Variants in GABRG3 observed in about 807,000 individuals in gnomAD.
GABRG3 encodes the protein gamma-aminobutyric acid type A receptor subunit gamma3.
GABRG3 carries 25 observed loss-of-function variants against 48.8 expected under a neutral mutation model. The ratio of observed to expected loss-of-function variants is 0.51; its 90% CI spans 0.37 to 0.72. The LOEUF (loss-of-function observed/expected upper bound fraction) is 0.72, where lower values mean the gene tolerates loss of function less well. GABRG3 is among the 30% of genes least tolerant of loss of function. The pLI, the probability that GABRG3 is intolerant of heterozygous loss-of-function variation, is 0.00. For synonymous variants in GABRG3, 227 were observed against 217.6 expected, an observed-to-expected ratio of 1.04 and a Z score of -0.38; for missense variants, 394 against 577.9, an observed-to-expected ratio of 0.68 and a Z score of 3.26.
chr15:27,399,817 C>T (rs2140585622), intron 5 of GABRG3, among the ~76,000 whole-genome samples: 1 of 152,276 alleles, frequency 6.6e-6, no homozygotes, highest in South Asian at 2.1e-4. Context: ...CCCAGATCTT[C>T]ACACAAAGAC....
intron 5 of GABRG3, among the ~76,000 whole-genome samples, chr15:27,478,630 C>A (rs1351585439): frequency 6.6e-6 from 1 of 152,166 alleles, no homozygotes; most frequent in Non-Finnish European, 1.5e-5. Context: ...CCAGACTCAA[C>A]AATTCTACTC....
At chr15:27,003,627 T>C (rs893066972) in intron 2 of GABRG3, among the ~76,000 whole-genome samples, 23 of 152,230 alleles carry the variant, frequency 1.5e-4, no homozygotes, top group Admixed American at 2.0e-4. Context: ...TACTTCTTTC[T>C]ACACAGACAT....
chr15:27,374,190 G>C (rs1357495567), intron 5 of GABRG3, among the ~76,000 whole-genome samples: 7 of 134,458 alleles, frequency 5.2e-5, no homozygotes, highest in Non-Finnish European at 1.1e-4. Context: ...GGTGTGCAGT[G>C]GCAAGAACAT....
At chr15:27,025,024 CAA>C (rs34897569) in intron 2 of GABRG3, among the ~76,000 whole-genome samples, 11 of 91,616 alleles carry the variant, frequency 1.2e-4, no homozygotes, top group South Asian at 9.1e-4. Flanking sequence ...GACCCTGTCT[CAA>C]AAAAAAAAAA....
At position 27,236,678 on chromosome 15, in the gene GABRG3, C is replaced by T. The variant is rs1680028869; in HGVS notation, c.271-90131C>T. Among the ~76,000 whole-genome samples the T allele has an allele frequency of 6.6e-6, 1 of 152,200 alleles. No homozygotes were observed. Among genetic ancestry groups the T allele is most frequent in the African/African-American group, 2.4e-5 (1 of 41,454 alleles). On this transcript the variant is annotated intron_variant, in intron 3 of 9. Coordinates refer to ENST00000615808, the MANE Select transcript of GABRG3 (RefSeq NM_033223.5). The surrounding 1 kb of genome is among the most constrained non-coding windows in gnomAD (Gnocchi z 4.4). ...ACCACCAGCCACAGAGTGGCTCTGA[C>T]CAGCCTAGGGAGGATGCACAGTGAG...
intron 6 of GABRG3, among the ~76,000 whole-genome samples, chr15:27,488,130 C>T (rs748316684): frequency 1.1e-4 from 17 of 152,146 alleles, no homozygotes; most frequent in Admixed American, 7.2e-4. Context: ...TCCTAGCAAG[C>T]GCTCATGCCA....
chr15:27,000,666 A>G (rs1895427667), intron 2 of GABRG3, among the ~76,000 whole-genome samples: 1 of 152,018 alleles, frequency 6.6e-6, no homozygotes. Context: ...TGCTCTGGCC[A>G]TGTGACAGTG....
intron 3 of GABRG3, among the ~76,000 whole-genome samples, chr15:27,226,840 C>A (rs1386766069): frequency 6.6e-6 from 1 of 152,220 alleles, no homozygotes; most frequent in Non-Finnish European, 1.5e-5. Flanking sequence ...CTAGTACTCA[C>A]TTTACTCTCT....
chr15:27,484,023 T>C (rs7177204), intron 6 of GABRG3, among the ~76,000 whole-genome samples: 121,571 of 152,148 alleles, frequency 0.8, 49,331 homozygotes, highest in African/African-American at 0.94. Context: ...CGACCTCCAC[T>C]TCCTAGGTTC....
intron 3 of GABRG3, among the ~76,000 whole-genome samples, chr15:27,077,354 C>T (rs1188566524): frequency 6.6e-6 from 1 of 152,180 alleles, no homozygotes; most frequent in Non-Finnish European, 1.5e-5. Context: ...CCCATGCACC[C>T]AGGGTTTGTG....
intron 3 of GABRG3, among the ~76,000 whole-genome samples, chr15:27,028,389 G>A (rs1346133794): frequency 6.6e-6 from 1 of 152,146 alleles, no homozygotes; most frequent in South Asian, 2.1e-4. Flanking sequence ...TGTGACCAAG[G>A]CCCTGAAGCT....
Position 27,297,905 on chromosome 15 carries a change from A to G in GABRG3, c.271-28904A>G, listed in dbSNP as rs1376106534. Among the ~76,000 whole-genome samples, 4 of 152,238 alleles carry G rather than the reference A, an allele frequency of 2.6e-5. No homozygotes were observed. The East Asian group carries it at 7.7e-4, about 29-fold the overall frequency. ...ATATTCCACTTGAATAAATTGGAATAAATTTAAAATATATTTTAAAGGGTA... is the reference window on the plus strand; with the variant it reads ...ATATTCCACTTGAATAAATTGGAATGAATTTAAAATATATTTTAAAGGGTA... On this transcript the variant is annotated intron_variant, in intron 3 of 9. Transcript: ENST00000615808.
chr15:27,006,866 G>A (rs1479483228), intron 2 of GABRG3, among the ~76,000 whole-genome samples: 1 of 151,644 alleles, frequency 6.6e-6, no homozygotes, highest in East Asian at 1.9e-4. Flanking sequence ...TTGAGACAGG[G>A]TGTTGCTCTG....
At chr15:27,156,133 A>G (rs1407736212) in intron 3 of GABRG3, among the ~76,000 whole-genome samples, 1 of 151,616 alleles carries the variant, frequency 6.6e-6, no homozygotes, top group Non-Finnish European at 1.5e-5. Context: ...CCCTGTCTCT[A>G]CTAAAAATAC....
chr15:27,146,890 CATAAT>C lies in GABRG3; in HGVS notation c.270+120073_270+120077del, dbSNP rs926281694. Among the ~76,000 whole-genome samples the C allele has an allele frequency of 1.3e-4, 19 of 151,986 alleles. 1 individual carries two copies. Among genetic ancestry groups the C allele is most frequent in the Admixed American group, 6.6e-4 (10 of 15,252 alleles). ...AAGTAAAGGAATAGAACAAAAAAGA[CATAAT>C]ATATAATAAATAGCAAAATGCAGAT... is the stretch of plus-strand genomic sequence containing the variant. On this transcript the variant is annotated intron_variant, in intron 3 of 9. Coordinates refer to ENST00000615808, the MANE Select transcript of GABRG3 (RefSeq NM_033223.5).
intron 3 of GABRG3, among the ~76,000 whole-genome samples, chr15:27,032,607 A>G (rs1303466139): frequency 1.3e-5 from 2 of 152,136 alleles, no homozygotes; most frequent in Non-Finnish European, 2.9e-5. Context: ...TCTTTTAAAC[A>G]ACCAGATCTC....
intron 3 of GABRG3, among the ~76,000 whole-genome samples, chr15:27,048,152 C>T (rs1896395639): frequency 6.6e-6 from 1 of 152,092 alleles, no homozygotes; most frequent in East Asian, 1.9e-4. Flanking sequence ...TACAGGGGCC[C>T]CATACCTGCC....
intron 2 of GABRG3, among the ~76,000 whole-genome samples, chr15:26,994,951 T>C (rs1025008667): frequency 2.6e-5 from 4 of 152,092 alleles, no homozygotes; most frequent in Admixed American, 1.3e-4. Flanking sequence ...GATGGAGTGT[T>C]CTATAGAAGT....
chr15:27,113,069 C>G (rs1897581362), intron 3 of GABRG3, among the ~76,000 whole-genome samples: 1 of 152,114 alleles, frequency 6.6e-6, no homozygotes, highest in South Asian at 2.1e-4. Flanking sequence ...TATATTTTCT[C>G]CACTGCTTTT....
Sources: allele counts gnomAD v4.1 joint callset (sites outside exome capture counted in the v4.1 genomes callset), GRCh38; gene constraint gnomAD v4.1.1; non-coding constraint Gnocchi (gnomAD v3.1); transcripts MANE v1.5; gene names NCBI Gene and HGNC (gene_info 2026-07-23, HGNC 2026-07-21).